The following ACVR1C variants were observed in gnomAD, a reference collection of about 807,000 sequenced individuals.
The protein encoded by ACVR1C is activin A receptor type 1C, also known as activin receptor type-1C.
Under a neutral mutation model 57.9 loss-of-function variants are expected in ACVR1C, and 23 were observed. The ratio of observed to expected loss-of-function variants is 0.40; its 90% confidence interval spans 0.29 to 0.56. The LOEUF is 0.56. Ranked by LOEUF, ACVR1C falls within the 20% of genes least tolerant of loss-of-function variation. ACVR1C has a pLI of 0.50. For missense variants in ACVR1C, 480 were observed against 607.9 expected (o/e 0.79, Z 2.21); for synonymous variants, 214 against 215.3 (o/e 0.99, Z 0.05).
chr2:157,588,078 A>G (rs2105257319), intron 1 of ACVR1C, among the ~76,000 whole-genome samples: 1 of 152,126 alleles, frequency 6.6e-6, no homozygotes, highest in East Asian at 1.9e-4. Context: ...AGACACCATG[A>G]CCTTCAGGTA....
chr2:157,580,805 A>G (rs1688772839), intron 2 of ACVR1C, among the ~76,000 whole-genome samples: 1 of 152,202 alleles, frequency 6.6e-6, no homozygotes, highest in Non-Finnish European at 1.5e-5. Context: ...TTCCCGAAAC[A>G]GTGAAAGGTC....
At chr2:157,556,951 C>A (rs138414274) in intron 2 of ACVR1C, among the ~76,000 whole-genome samples, 3,452 of 152,268 alleles carry the variant, frequency 0.023, 136 homozygotes, top group African/African-American at 0.079. Context: ...GCGTGAGCCA[C>A]CATGCCTGGC....
intron 1 of ACVR1C, among the ~76,000 whole-genome samples, chr2:157,608,016 C>G (rs141707482): frequency 6.3e-4 from 95 of 151,842 alleles, no homozygotes; most frequent in African/African-American, 2.1e-3. Flanking sequence ...GCTTCCAGTA[C>G]TGTGTTGAAA....
At chr2:157,573,871 C>G (rs1688583787) in intron 2 of ACVR1C, among the ~76,000 whole-genome samples, 2 of 152,068 alleles carry the variant, frequency 1.3e-5, no homozygotes, top group Non-Finnish European at 2.9e-5. Flanking sequence ...AAATACTTGT[C>G]TAATATTAAG....
intron 2 of ACVR1C, among the ~76,000 whole-genome samples, chr2:157,566,018 A>G (rs953596808): frequency 3.3e-5 from 5 of 152,256 alleles, no homozygotes; most frequent in African/African-American, 1.2e-4. Flanking sequence ...CAGAATATAA[A>G]TAAGTTCCAT....
At chr2:157,548,769 T>C (rs1687832946) in intron 4 of ACVR1C, among the ~76,000 whole-genome samples, 1 of 152,140 alleles carries the variant, frequency 6.6e-6, no homozygotes, top group African/African-American at 2.4e-5. Flanking sequence ...TCCATGAAAC[T>C]CAAAAAATAA....
chr2:157,542,875 G>T lies in ACVR1C; in HGVS notation c.944-13C>A. 1 of 1,612,176 alleles carries T rather than the reference G, an allele frequency of 6.2e-7. No homozygotes were observed. The highest frequency in any genetic ancestry group is 8.5e-7 in the Non-Finnish European group (1 of 1,179,148). ...ATAGCAGGTTTACCTATGAAGCAAA[G>T]AAGAACATATTCATTTTTTTCTTTA... On this transcript the variant is annotated splice_polypyrimidine_tract_variant and intron_variant, in intron 5 of 8. Transcript: ENST00000243349.
rs78915416 is a variant in ACVR1C at position 157,609,393 on chromosome 2, A to T, written c.73+19179T>A. ...GACTTATTTTGCAACCTAACACATG[A>T]TCTCTCCTGAAGAATGTGCCATGTG... On this transcript the variant is annotated intron_variant, in intron 1 of 8. Transcript: ENST00000243349. 1.6e-3 allele frequency among the ~76,000 whole-genome samples: 243 copies of T among 152,074 alleles called. 3 individuals are homozygous for T. In the East Asian group the frequency reaches 0.02, roughly 12 times the overall value.
intron 1 of ACVR1C, among the ~76,000 whole-genome samples, chr2:157,594,539 A>T (rs1305221759): frequency 6.6e-6 from 1 of 152,150 alleles, no homozygotes; most frequent in Non-Finnish European, 1.5e-5. Flanking sequence ...AATTAATATT[A>T]AAAATTGTTT....
In ACVR1C at chr2:157,613,941, TTCCTAAAA is replaced by T. The variant is rs541133351; in HGVS notation, c.73+14623_73+14630del. Among the ~76,000 whole-genome samples, 176 of 152,332 alleles carry T rather than the reference TTCCTAAAA, an allele frequency of 1.2e-3. 2 individuals are homozygous for T. Among genetic ancestry groups the T allele is most frequent in the Middle Eastern group, 0.01 (3 of 294 alleles). ...GTTTATGTAGAATAGACATTATTTC[TTCCTAAAA>T]ATTTTGATAGAATTCACCAGTGAAG... On this transcript the variant is annotated intron_variant, in intron 1 of 8. Transcript: ENST00000243349.
Position 157,599,314 on chromosome 2 carries a change from C to CAA in ACVR1C, c.74-11899_74-11898dup, listed in dbSNP as rs60182304. 2.5e-4 allele frequency among the ~76,000 whole-genome samples: 10 copies of CAA among 40,606 alleles called. 1 individual carries two copies. The highest frequency in any genetic ancestry group is 9.1e-4 in the East Asian group (1 of 1,094). The allele number at this position is 40,606 out of a possible 152,430, so 26.6% of individuals were successfully genotyped here. ...GCGCCACTGCACTACAGCCTGGGCT[C>CAA]AAAAAAAAAAAAAAAAAAAAAAAAA... On this transcript the variant is annotated intron_variant, in intron 1 of 8. Transcript: ENST00000243349.
intron 5 of ACVR1C, among the ~76,000 whole-genome samples, chr2:157,544,075 G>A (rs1441142234): frequency 8.7e-6 from 1 of 115,484 alleles, no homozygotes; most frequent in Non-Finnish European, 1.7e-5. Flanking sequence ...GTCTCGTTCT[G>A]TCACCCAAAC....
chr2:157,531,364 T>G lies in ACVR1C; in HGVS notation c.*2554A>C, dbSNP rs962394532. ...AAGACTACTCAGTTAGGAGTCATAG[T>G]TAAACAACACAAGAACAAGAAAAAT... On this transcript the variant is annotated 3_prime_UTR_variant, in exon 9 of 9. Coordinates refer to ENST00000243349, the MANE Select transcript of ACVR1C (RefSeq NM_145259.3). 6.6e-6 allele frequency: 1 copy of G among 152,014 alleles called. No homozygotes were observed. The allele number at this position is 152,014 out of a possible 1,614,324, so 9.4% of individuals were successfully genotyped here.
At position 157,532,013 on chromosome 2, in the gene ACVR1C, T is replaced by G. The variant is rs1178054390; in HGVS notation, c.*1905A>C. 1 of 152,160 alleles carries G rather than the reference T, an allele frequency of 6.6e-6. No homozygotes were observed. The highest frequency in any genetic ancestry group is 2.4e-5 in the African/African-American group (1 of 41,446). The allele number at this position is 152,160 out of a possible 1,614,324, so 9.4% of individuals were successfully genotyped here. On this transcript the variant is annotated 3_prime_UTR_variant, in exon 9 of 9. Transcript: ENST00000243349. Reference sequence around the variant, plus strand: ...ACCCGATATTGTGGCAAGCAAGATATGGGTGCTCTATGATTATTTAATAAG... The same window carrying G: ...ACCCGATATTGTGGCAAGCAAGATAGGGGTGCTCTATGATTATTTAATAAG...
chr2:157,552,694 A>G (rs1687951094), intron 3 of ACVR1C, among the ~76,000 whole-genome samples: 1 of 152,238 alleles, frequency 6.6e-6, no homozygotes, highest in South Asian at 2.1e-4. Context: ...TCAGTGGTGC[A>G]GATCAGGAAC....
chr2:157,581,035 C>T (rs778018736), intron 2 of ACVR1C, among the ~76,000 whole-genome samples: 4 of 152,112 alleles, frequency 2.6e-5, no homozygotes, highest in Non-Finnish European at 5.9e-5. Context: ...TCAGAATTCA[C>T]TCTATTACTT....
At chr2:157,550,578 C>G (rs745484508) in intron 3 of ACVR1C, among the ~76,000 whole-genome samples, 186 bp from the exon 4 acceptor site, 1 of 152,050 alleles carries the variant, frequency 6.6e-6, no homozygotes, top group Non-Finnish European at 1.5e-5. Flanking sequence ...AAAAATACTT[C>G]AAATTATGAA....
At chr2:157,554,287 G>GAAAGAAAGAAAGAAAGAAAGGAAA (rs1558975256) in intron 3 of ACVR1C, among the ~76,000 whole-genome samples, 2 of 126,294 alleles carry the variant, frequency 1.6e-5, no homozygotes, top group African/African-American at 7.2e-5. Flanking sequence ...AAGGAAGAGA[G>GAAAGAAAGAAAGAAAGAAAGGAAA]AGAGAGAGAG....
chr2:157,566,504 C>G (rs940319384), intron 2 of ACVR1C, among the ~76,000 whole-genome samples: 4 of 152,172 alleles, frequency 2.6e-5, no homozygotes, highest in African/African-American at 7.2e-5. Flanking sequence ...GTGTGTGTGC[C>G]CACCGTGCGC....
Sources: allele counts gnomAD v4.1 joint callset (sites outside exome capture counted in the v4.1 genomes callset), GRCh38; gene constraint gnomAD v4.1.1; transcripts MANE v1.5; gene names NCBI Gene and HGNC (gene_info 2026-07-23, HGNC 2026-07-21).